The following CHFR variants were observed in gnomAD, a reference collection of about 807,000 sequenced individuals.
CHFR encodes checkpoint with forkhead and ring finger domains.
A neutral mutation model predicts 87.6 loss-of-function variants in CHFR; 57 were observed. That is an observed-to-expected ratio of 0.65 (90% CI 0.53 to 0.81). The LOEUF (loss-of-function observed/expected upper bound fraction) is 0.81, where lower values mean the gene tolerates loss of function less well. Ranked by LOEUF, CHFR falls within the 30% of genes least tolerant of loss-of-function variation. The pLI, the probability that CHFR is intolerant of heterozygous loss-of-function variation, is 0.00. For missense variants in CHFR, 797 were observed against 865.8 expected (o/e 0.92, Z 1.00); for synonymous variants, 381 against 359.2 (o/e 1.06, Z -0.69).
intron 2 of CHFR, among the ~76,000 whole-genome samples, chr12:132,883,569 C>CA (rs936757990): frequency 4.0e-5 from 6 of 150,690 alleles, no homozygotes; most frequent in African/African-American, 1.5e-4. Flanking sequence ...ACTAAAAATA[C>CA]AAAAAAAATT....
intron 2 of CHFR, among the ~76,000 whole-genome samples, chr12:132,883,809 T>C (rs987811231): frequency 6.6e-6 from 1 of 152,112 alleles, no homozygotes; most frequent in African/African-American, 2.4e-5. Flanking sequence ...GGCACATCAT[T>C]GCTTTAAAAT....
intron 6 of CHFR, among the ~76,000 whole-genome samples, chr12:132,865,211 T>C (rs947284309): frequency 1.3e-5 from 2 of 152,184 alleles, no homozygotes; most frequent in African/African-American, 2.4e-5. Flanking sequence ...AGTCAGTGCA[T>C]GCTGGATCTA....
rs1950699320 is a variant in CHFR at position 132,841,282 on chromosome 12, A to G, written c.*272T>C. The G allele has an allele frequency of 5.2e-6, 2 of 387,812 alleles. No individual in the cohort carries two copies. Among genetic ancestry groups the G allele is most frequent in the East Asian group, 8.1e-5 (2 of 24,578 alleles). 24.0% of individuals were successfully genotyped at this position (387,812 alleles called of 1,614,324 possible). ...CTGCCCCTCTCGGCGGGACGGCCGC[A>G]TGTTACAGAAAGGCTTCGTCTCTGC... On this transcript the variant is annotated 3_prime_UTR_variant, in exon 18 of 18. Coordinates refer to ENST00000450056, the MANE Select transcript of CHFR (RefSeq NM_001161346.2).
Position 132,838,175 on chromosome 12 carries a change from G to T in CHFR, c.*3379C>A, listed in dbSNP as rs1950662556. ...GCCACACCCCTGGGGTGAAGGCCGT[G>T]TGGTGCTGGGAGCAGCCCCTGGACC... On this transcript the variant is annotated 3_prime_UTR_variant, in exon 18 of 18. Transcript: ENST00000450056. 1 of 152,370 alleles carries T rather than the reference G, an allele frequency of 6.6e-6. No homozygotes were observed. Among genetic ancestry groups the T allele is most frequent in the Admixed American group, 6.5e-5 (1 of 15,286 alleles). The allele number at this position is 152,370 out of a possible 1,614,324, so 9.4% of individuals were successfully genotyped here.
At chr12:132,842,619 C>T (rs1458903861) in intron 17 of CHFR, among the ~76,000 whole-genome samples, 2 of 152,228 alleles carry the variant, frequency 1.3e-5, no homozygotes, top group South Asian at 2.1e-4. Context: ...AAAGACACCA[C>T]GTGAGGGTGA....
chr12:132,841,777 TA>T (rs1950708162), intron 17 of CHFR, among the ~76,000 whole-genome samples, 181 bp from the exon 18 acceptor site: 1 of 151,660 alleles, frequency 6.6e-6, no homozygotes, highest in Non-Finnish European at 1.5e-5. Flanking sequence ...CCCCCAAAGG[TA>T]AACTTCTTTA....
chr12:132,859,411 C>T (rs1025738102), intron 7 of CHFR, among the ~76,000 whole-genome samples, 184 bp from the exon 8 acceptor site: 11 of 151,936 alleles, frequency 7.2e-5, no homozygotes, highest in African/African-American at 2.4e-4. Flanking sequence ...AGTGCAGTGG[C>T]GCGATCTCGG....
intron 2 of CHFR, among the ~76,000 whole-genome samples, chr12:132,882,314 G>A (rs372489905): frequency 3.1e-4 from 47 of 152,292 alleles, no homozygotes; most frequent in African/African-American, 1.0e-3. Flanking sequence ...GTCACGACAC[G>A]CTGGAAGCAG....
intron 12 of CHFR, 40 bp downstream of exon 12, chr12:132,851,574 GGACA>G (rs769914277): frequency 1.3e-5 from 20 of 1,562,598 alleles, no homozygotes; most frequent in African/African-American, 4.1e-5. Flanking sequence ...GACCCCTGAA[GGACA>G]GATAGGAACC....
In CHFR at chr12:132,832,684, T is replaced by C. The variant is rs1950625199; in HGVS notation, c.*8870A>G. On this transcript the variant is annotated 3_prime_UTR_variant, in exon 18 of 18. Coordinates refer to ENST00000450056, the MANE Select transcript of CHFR (RefSeq NM_001161346.2). ...TAAATTTAAATACAGTTAGAAACAA[T>C]GAATCTAATCATATACTAAGTTGAT... is the stretch of plus-strand genomic sequence containing the variant. The C allele has an allele frequency of 6.6e-6, 1 of 152,202 alleles. No homozygotes were observed. Among genetic ancestry groups the C allele is most frequent in the African/African-American group, 2.4e-5 (1 of 41,448 alleles). The allele number at this position is 152,202 out of a possible 1,614,324, so 9.4% of individuals were successfully genotyped here.
chr12:132,880,124 G>A (rs1310536304), intron 2 of CHFR, among the ~76,000 whole-genome samples: 3 of 152,182 alleles, frequency 2.0e-5, no homozygotes, highest in Admixed American at 1.3e-4. Flanking sequence ...GAAAAAGAAT[G>A]AAGCTGGAAG....
At chr12:132,846,450 T>C (rs542602264) in intron 15 of CHFR, among the ~76,000 whole-genome samples, 38 of 151,956 alleles carry the variant, frequency 2.5e-4, no homozygotes, top group African/African-American at 8.7e-4. Flanking sequence ...TTTTCTTTTT[T>C]TAGTAGAGAC....
chr12:132,861,203 A>G (rs933942839), intron 7 of CHFR, among the ~76,000 whole-genome samples: 3 of 152,202 alleles, frequency 2.0e-5, no homozygotes, highest in Non-Finnish European at 4.4e-5. Flanking sequence ...TTTTGAGATT[A>G]ATTCTGCAAT....
chr12:132,841,730 A>G (rs571500723), intron 17 of CHFR, 134 bp from the exon 18 acceptor site: 13 of 765,872 alleles, frequency 1.7e-5, no homozygotes, highest in Non-Finnish European at 3.0e-5. Flanking sequence ...TACCTGAGAA[A>G]GAGTGTGTGT....
Position 132,863,153 on chromosome 12 carries a change from C to T in CHFR, c.584-1519G>A, listed in dbSNP as rs536394655. Reference sequence around the variant, plus strand: ...CCTCGTGATCCACCCACCTCGGCCTCCCAAAGTGCTGGGATTACAGGCGTG... The same window carrying T: ...CCTCGTGATCCACCCACCTCGGCCTTCCAAAGTGCTGGGATTACAGGCGTG... On this transcript the variant is annotated intron_variant, in intron 6 of 17. Transcript: ENST00000450056. Among the ~76,000 whole-genome samples the T allele has an allele frequency of 2.7e-5, 4 of 150,546 alleles. No individual in the cohort carries two copies. The South Asian group carries it at 8.4e-4, about 32-fold the overall frequency.
chr12:132,857,438 T>C lies in CHFR; in HGVS notation c.1033A>G (p.Asn345Asp), dbSNP rs1371529354. ...ERICKNHILN[N>D]LVEAYLIQHP... ...TGGATGAGGTATGCTTCCACGAGGT[T>C]GTTGAGGATGTGGTTTTTACAGATC... The change falls in exon 9 of 18, where the codon AAC (asparagine) becomes GAC (aspartate). Residue 345 changes from asparagine (N) to aspartate (D), a missense_variant. By Grantham distance (23) the Asn-to-Asp change is conservative. Coordinates refer to ENST00000450056, the MANE Select transcript of CHFR (RefSeq NM_001161346.2). 1.2e-6 allele frequency: 2 copies of C among 1,614,106 alleles called. No homozygotes were observed. Among genetic ancestry groups the C allele is most frequent in the Admixed American group, 1.7e-5 (1 of 60,008 alleles).
chr12:132,881,988 C>T (rs915479054), intron 2 of CHFR, among the ~76,000 whole-genome samples: 2 of 152,112 alleles, frequency 1.3e-5, no homozygotes, highest in South Asian at 4.1e-4. Context: ...GGAAACAATG[C>T]GGCAGTTTCT....
At chr12:132,843,808 G>T (rs1950751282) in intron 16 of CHFR, among the ~76,000 whole-genome samples, 1 of 152,114 alleles carries the variant, frequency 6.6e-6, no homozygotes, top group South Asian at 2.1e-4. Context: ...AATTAGCCGG[G>T]CGTGGTGGCG....
At chr12:132,848,324 C>T (rs1950870065) in intron 13 of CHFR, 169 bp from the exon 14 acceptor site, 5 of 1,247,866 alleles carry the variant, frequency 4.0e-6, no homozygotes, top group Non-Finnish European at 5.7e-6. Context: ...AAATGATTTC[C>T]ATTCCACTCC....
Sources: gnomAD v4.1 joint callset for allele counts (sites outside exome capture counted in the v4.1 genomes callset) on GRCh38, gnomAD v4.1.1 for gene constraint, MANE v1.5 for transcripts, NCBI Gene and HGNC (gene_info 2026-07-23, HGNC 2026-07-21) for gene names.